Variants in CUL3 observed in about 807,000 individuals in gnomAD.
CUL3 encodes cullin 3, also known as cullin-3.
In CUL3, 19 loss-of-function variants were observed where a neutral mutation model predicts 89.1. The ratio of observed to expected loss-of-function variants is 0.21; its 90% confidence interval spans 0.15 to 0.31. CUL3 has a LOEUF of 0.31. CUL3 is among the 10% of genes least tolerant of loss of function. The pLI is 1.00. For synonymous variants in CUL3, 351 were observed against 308.4 expected, an observed-to-expected ratio of 1.14 and a Z score of -1.45; for missense variants, 469 against 942.3, an observed-to-expected ratio of 0.50 and a Z score of 6.58.
chr2:224,573,537 A>G (rs985521585), intron 1 of CUL3, among the ~76,000 whole-genome samples: 5 of 152,200 alleles, frequency 3.3e-5, no homozygotes, highest in African/African-American at 1.2e-4. Context: ...TAAGCTTACG[A>G]AGGAAGCTTA....
chr2:224,474,961 AGT>A (rs1691260706), intron 15 of CUL3, among the ~76,000 whole-genome samples: 1 of 152,240 alleles, frequency 6.6e-6, no homozygotes, highest in Non-Finnish European at 1.5e-5. Context: ...CTAAAGCAGC[AGT>A]CATAGTCTGT....
intron 6 of CUL3, among the ~76,000 whole-genome samples, chr2:224,509,032 T>C (rs557526039): frequency 6.6e-6 from 1 of 151,564 alleles, no homozygotes; most frequent in Admixed American, 6.6e-5. Context: ...ATCCAATTTA[T>C]CCTCCATTCA....
At chr2:224,514,565 T>C (rs1300200345) in intron 4 of CUL3, 47 bp downstream of exon 4, 1 of 1,478,288 alleles carries the variant, frequency 6.8e-7, no homozygotes, top group Non-Finnish European at 9.3e-7. Flanking sequence ...GTTCTCAAGA[T>C]ATAATCACTA....
At chr2:224,534,497 G>A (rs1693810619) in intron 3 of CUL3, among the ~76,000 whole-genome samples, 1 of 152,132 alleles carries the variant, frequency 6.6e-6, no homozygotes, top group South Asian at 2.1e-4. Flanking sequence ...AAGAATTAAG[G>A]ATTTAAAAAC....
chr2:224,561,102 C>A (rs1209009369), intron 1 of CUL3, among the ~76,000 whole-genome samples: 4 of 152,202 alleles, frequency 2.6e-5, no homozygotes, highest in Non-Finnish European at 5.9e-5. Flanking sequence ...TGATCCCCAA[C>A]TCCAACCCAC....
chr2:224,499,363 A>G (rs778513312), intron 11 of CUL3: 2 of 233,920 alleles, frequency 8.5e-6, no homozygotes, highest in Non-Finnish European at 1.9e-5. Context: ...CACTTAAGAC[A>G]ATTACTAGAA....
At chr2:224,582,698 GT>G (rs1695469050) in intron 1 of CUL3, among the ~76,000 whole-genome samples, 1 of 152,054 alleles carries the variant, frequency 6.6e-6, no homozygotes, top group Non-Finnish European at 1.5e-5. Flanking sequence ...ATGTGGTAAC[GT>G]ATCACACAAC....
At chr2:224,573,723 T>C (rs1411812181) in intron 1 of CUL3, among the ~76,000 whole-genome samples, 1 of 152,220 alleles carries the variant, frequency 6.6e-6, no homozygotes, top group Admixed American at 6.5e-5. Flanking sequence ...CAGACATACC[T>C]AGAATCTGAA....
chr2:224,479,444 AAGAT>A (rs916149797), intron 14 of CUL3: 5 of 152,212 alleles, frequency 3.3e-5, no homozygotes, highest in South Asian at 2.1e-4. Flanking sequence ...AAAAAATAAA[AAGAT>A]AGAGGTACTG....
chr2:224,531,705 G>T (rs749921650), intron 3 of CUL3, among the ~76,000 whole-genome samples: 5 of 151,648 alleles, frequency 3.3e-5, no homozygotes, highest in Admixed American at 1.3e-4. Flanking sequence ...AGAAATATAA[G>T]GTAAGACATA....
At chr2:224,476,992 G>A (rs1691346605) in intron 15 of CUL3, among the ~76,000 whole-genome samples, 1 of 152,030 alleles carries the variant, frequency 6.6e-6, no homozygotes, top group African/African-American at 2.4e-5. Context: ...ACTTTCACGA[G>A]TCCAATGAAA....
intron 2 of CUL3, among the ~76,000 whole-genome samples, chr2:224,557,057 T>C (rs1694734476): frequency 6.6e-6 from 1 of 152,138 alleles, no homozygotes; most frequent in African/African-American, 2.4e-5. Context: ...AGCAAGGCAT[T>C]GTAATAAAAT....
chr2:224,573,962 T>C (rs2106323235), intron 1 of CUL3, among the ~76,000 whole-genome samples: 1 of 152,252 alleles, frequency 6.6e-6, no homozygotes, highest in Admixed American at 6.5e-5. Context: ...GGAAAGGAAT[T>C]GGAGATGAAA....
intron 1 of CUL3, among the ~76,000 whole-genome samples, chr2:224,562,293 A>G (rs1299898415): frequency 6.6e-6 from 1 of 151,950 alleles, no homozygotes; most frequent in African/African-American, 2.4e-5. Context: ...ATGGGGCTGC[A>G]GGAAAAAATG....
At chr2:224,552,558 A>C (rs184550541) in intron 2 of CUL3, among the ~76,000 whole-genome samples, 10 of 152,338 alleles carry the variant, frequency 6.6e-5, no homozygotes, top group Admixed American at 6.5e-4. Flanking sequence ...GTCCTCTCTG[A>C]AGCCTCCCGT....
In CUL3 at chr2:224,514,742, C is replaced by G; in HGVS notation, c.409G>C (p.Glu137Gln). ...ATTAATCCCAAATTGTAGACGTTCTCCACATTATTTTGTTGTACATACACA... is the reference window on the plus strand; with the variant it reads ...ATTAATCCCAAATTGTAGACGTTCTGCACATTATTTTGTTGTACATACACA... ...DRVYVQQNNV[E>Q]NVYNLGLIIF... is the part of the protein sequence containing the mutation. The change falls in exon 4 of 16, where the codon GAG becomes CAG. Residue 137 changes from glutamate to glutamine, a missense_variant. Glu to Gln is a conservative substitution (Grantham distance 29). Transcript: ENST00000264414. The G allele has an allele frequency of 2.5e-6, 4 of 1,612,980 alleles. No individual in the cohort carries two copies. Among genetic ancestry groups the G allele is most frequent in the Non-Finnish European group, 3.4e-6 (4 of 1,179,126 alleles).
At chr2:224,574,438 T>G (rs1376452455) in intron 1 of CUL3, among the ~76,000 whole-genome samples, 1 of 152,204 alleles carries the variant, frequency 6.6e-6, no homozygotes, top group Non-Finnish European at 1.5e-5. Context: ...CAAGTAGTAT[T>G]CTCCTCACCT....
chr2:224,567,842 A>T (rs936375315), intron 1 of CUL3, among the ~76,000 whole-genome samples: 2 of 152,138 alleles, frequency 1.3e-5, no homozygotes, highest in African/African-American at 4.8e-5. Context: ...AATCAAAATA[A>T]ACATAGGCAC....
intron 14 of CUL3, chr2:224,480,080 G>A (rs1329759467): frequency 6.8e-6 from 1 of 147,752 alleles, no homozygotes; most frequent in Non-Finnish European, 1.5e-5. Context: ...CACGCTGGGG[G>A]ATGGAATTTG....
Sources: allele counts gnomAD v4.1 joint callset (sites outside exome capture counted in the v4.1 genomes callset), GRCh38; gene constraint gnomAD v4.1.1; transcripts MANE v1.5; gene names NCBI Gene and HGNC (gene_info 2026-07-23, HGNC 2026-07-21).